Variants in DOCK10 observed in about 807,000 individuals in gnomAD.
DOCK10 encodes the protein dedicator of cytokinesis 10, also known as dedicator of cytokinesis protein 10.
A neutral mutation model predicts 280.1 loss-of-function variants in DOCK10; 145 were observed. That is an observed-to-expected ratio of 0.52 (90% CI 0.45 to 0.59). The LOEUF is 0.59. Among genes scored for constraint, DOCK10 ranks in the 20% least tolerant of loss-of-function variants. The pLI is 0.00. For synonymous variants in DOCK10, 915 were observed against 942.2 expected, an observed-to-expected ratio of 0.97 and a Z score of 0.53; for missense variants, 2,368 against 2,651.7, an observed-to-expected ratio of 0.89 and a Z score of 2.35.
At chr2:224,959,134 A>C (rs896351297) in intron 1 of DOCK10, among the ~76,000 whole-genome samples, 1 of 152,180 alleles carries the variant, frequency 6.6e-6, no homozygotes, top group Non-Finnish European at 1.5e-5. Flanking sequence ...ACTGCCCATA[A>C]CTACAGAGTG....
intron 11 of DOCK10, among the ~76,000 whole-genome samples, chr2:224,867,703 G>A (rs1698020683): frequency 6.6e-6 from 1 of 152,220 alleles, no homozygotes; most frequent in African/African-American, 2.4e-5. Flanking sequence ...AGTGGGATCA[G>A]AGTGGAGGAA....
At chr2:224,876,453 G>C (rs1698634358) in intron 7 of DOCK10, among the ~76,000 whole-genome samples, 1 of 152,138 alleles carries the variant, frequency 6.6e-6, no homozygotes, top group Non-Finnish European at 1.5e-5. Context: ...TGATTGGATG[G>C]ACACGTTAGC....
Position 224,792,899 on chromosome 2 carries a change from G to T in DOCK10, c.5311+75C>A, listed in dbSNP as rs1186763262. 7 of 1,127,458 alleles carry T rather than the reference G, an allele frequency of 6.2e-6. No individual in the cohort carries two copies. The Admixed American group carries it at 1.4e-4, about 22-fold the overall frequency. 69.8% of individuals were successfully genotyped at this position (1,127,458 alleles called of 1,614,324 possible). A position where few individuals can be genotyped will look rare whatever the true frequency, so the allele number is the denominator to read the frequency against. ...TGCTTCTAAGAATATATTTAAGAAGGTTTCACTGAAGTAGAATTTGAGCAG... is the reference window on the plus strand; with the variant it reads ...TGCTTCTAAGAATATATTTAAGAAGTTTTCACTGAAGTAGAATTTGAGCAG... On this transcript the variant is annotated intron_variant, in intron 47 of 55. Transcript: ENST00000258390.
chr2:224,951,421 A>T (rs1703719546), intron 1 of DOCK10, among the ~76,000 whole-genome samples: 1 of 152,234 alleles, frequency 6.6e-6, no homozygotes, highest in Non-Finnish European at 1.5e-5. Flanking sequence ...CTTATATAAG[A>T]ATTCAAAGTC....
At chr2:224,864,486 G>T in intron 13 of DOCK10, 67 bp downstream of exon 13, 1 of 1,428,596 alleles carries the variant, frequency 7.0e-7, no homozygotes. Flanking sequence ...CTCCAGCCTG[G>T]GTGACAGGGA....
chr2:224,812,471 C>A (rs546796166), intron 31 of DOCK10, among the ~76,000 whole-genome samples: 2 of 152,032 alleles, frequency 1.3e-5, no homozygotes, highest in Non-Finnish European at 2.9e-5. Flanking sequence ...AATTGAATAC[C>A]CTTTATTTCC....
intron 50 of DOCK10, among the ~76,000 whole-genome samples, chr2:224,779,114 A>G (rs17271511): frequency 0.074 from 11,226 of 152,238 alleles, 574 homozygotes; most frequent in Non-Finnish European, 0.11. Context: ...AGCAATCTTT[A>G]TAATTCCTTC....
intron 1 of DOCK10, among the ~76,000 whole-genome samples, chr2:224,976,318 G>C (rs1705437215): frequency 6.6e-6 from 1 of 152,104 alleles, no homozygotes; most frequent in Non-Finnish European, 1.5e-5. Context: ...GGGTTGATAG[G>C]TGCAGCAAAC....
chr2:224,868,113 T>C (rs1698045172), intron 11 of DOCK10, among the ~76,000 whole-genome samples: 1 of 151,988 alleles, frequency 6.6e-6, no homozygotes, highest in African/African-American at 2.4e-5. Flanking sequence ...CTGGAAAGTA[T>C]CAACATGCAA....
At chr2:225,014,081 A>ATATATATATATATATATATAT (rs776104946) in intron 1 of DOCK10, among the ~76,000 whole-genome samples, 2 of 96,800 alleles carry the variant, frequency 2.1e-5, no homozygotes, top group African/African-American at 9.4e-5. Context: ...GTCTGAATAT[A>ATATATATATATATATATATAT]TTGTTTTTTT....
At chr2:224,961,458 C>A (rs187016930) in intron 1 of DOCK10, among the ~76,000 whole-genome samples, 1 of 129,706 alleles carries the variant, frequency 7.7e-6, no homozygotes, top group East Asian at 2.5e-4. Context: ...TTCTTTCTTT[C>A]TTTCTTTCTT....
intron 4 of DOCK10, 21 bp from the exon 5 acceptor site, chr2:224,886,552 AG>A: frequency 6.4e-7 from 1 of 1,555,182 alleles, no homozygotes; most frequent in Non-Finnish European, 8.7e-7. Context: ...AAAAAAAAAA[AG>A]ATTCTGATTT....
intron 1 of DOCK10, among the ~76,000 whole-genome samples, chr2:225,004,314 G>C (rs928105617): frequency 1.3e-5 from 2 of 152,222 alleles, no homozygotes; most frequent in African/African-American, 4.8e-5. Flanking sequence ...ATATGAAGAC[G>C]AAGGCAGAGA....
Position 224,794,937 on chromosome 2 carries a change from C to T in DOCK10, c.5096G>A (p.Arg1699His), listed in dbSNP as rs372888681. 5 of 1,613,880 alleles carry T rather than the reference C, an allele frequency of 3.1e-6. No homozygotes were observed. The highest frequency in any genetic ancestry group is 3.4e-6 in the Non-Finnish European group (4 of 1,179,834). ...ANSYASTPEL[R>H]RTWLESMAKI... is the part of the protein sequence containing the mutation. Reference sequence around the variant, plus strand: ...GGCCATACTTTCCAGCCAGGTCCTGCGTAGTTCAGGAGTGCTTGCGTAGGA... The same window carrying T: ...GGCCATACTTTCCAGCCAGGTCCTGTGTAGTTCAGGAGTGCTTGCGTAGGA... The change falls in exon 45 of 56, where the codon CGC becomes CAC. Residue 1699 changes from arginine to histidine, a missense_variant. Arg to His is a conservative substitution (Grantham distance 29). Transcript: ENST00000258390.
Position 224,986,996 on chromosome 2 carries a change from T to C in DOCK10, c.123+55256A>G, listed in dbSNP as rs144220942. Among the ~76,000 whole-genome samples the C allele has an allele frequency of 6.5e-3, 989 of 152,282 alleles. 11 individuals carry two copies. Among genetic ancestry groups the C allele is most frequent in the African/African-American group, 0.022 (930 of 41,546 alleles). Reference sequence around the variant, plus strand: ...AAACACAAATGTTCAGGAGTCACCTTTGAAGTATCTTTTTGCTGCACCTGC... The same window carrying C: ...AAACACAAATGTTCAGGAGTCACCTCTGAAGTATCTTTTTGCTGCACCTGC... On this transcript the variant is annotated intron_variant, in intron 1 of 55. Coordinates refer to ENST00000258390, the MANE Select transcript of DOCK10 (RefSeq NM_014689.3).
intron 1 of DOCK10, among the ~76,000 whole-genome samples, chr2:224,936,078 A>G (rs1207499979): frequency 6.6e-6 from 1 of 152,146 alleles, no homozygotes; most frequent in Non-Finnish European, 1.5e-5. Context: ...CTTTCAGAGA[A>G]CTGTGTATGG....
intron 11 of DOCK10, among the ~76,000 whole-genome samples, chr2:224,873,160 A>T (rs1698397794): frequency 6.6e-6 from 1 of 152,164 alleles, no homozygotes; most frequent in South Asian, 2.1e-4. Context: ...ACTTTACTTG[A>T]TACACTGTTT....
intron 22 of DOCK10, 146 bp downstream of exon 22, chr2:224,844,607 G>A (rs945381698): frequency 2.2e-5 from 14 of 624,834 alleles, no homozygotes; most frequent in Non-Finnish European, 4.0e-5. Flanking sequence ...ATCAAATTAT[G>A]CCCTTAACAT....
chr2:225,041,262 G>A (rs77347678), intron 1 of DOCK10, among the ~76,000 whole-genome samples: 2 of 152,128 alleles, frequency 1.3e-5, no homozygotes, highest in East Asian at 1.9e-4. Context: ...GATATTTTCT[G>A]GCAAAAAAGA....
Sources: allele counts gnomAD v4.1 joint callset (sites outside exome capture counted in the v4.1 genomes callset), GRCh38; gene constraint gnomAD v4.1.1; transcripts MANE v1.5; gene names NCBI Gene and HGNC (gene_info 2026-07-23, HGNC 2026-07-21).